The following PBRM1 variants were observed in gnomAD, a reference collection of about 807,000 sequenced individuals.
PBRM1 encodes the protein polybromo 1, also known as protein polybromo-1.
PBRM1 carries 27 observed loss-of-function variants against 194.5 expected under a neutral mutation model. The ratio of observed to expected loss-of-function variants is 0.14; its 90% CI spans 0.10 to 0.19. The LOEUF (loss-of-function observed/expected upper bound fraction) is 0.19, where lower values mean the gene tolerates loss of function less well. Ranked by LOEUF, PBRM1 falls within the 10% of genes least tolerant of loss-of-function variation. The pLI is 1.00. For missense variants in PBRM1, 1,466 were observed against 2,077.2 expected (o/e 0.71, Z 5.72); for synonymous variants, 655 against 693.2 (o/e 0.94, Z 0.87).
intron 27 of PBRM1, among the ~76,000 whole-genome samples, chr3:52,553,449 C>CA (rs2081436926): frequency 6.6e-6 from 1 of 150,890 alleles, no homozygotes; most frequent in African/African-American, 2.4e-5. Context: ...CCAGTATCTA[C>CA]AGCTAGGAGG....
chr3:52,579,273 A>C (rs2090476728), intron 20 of PBRM1, 74 bp from the exon 23 acceptor site: 1 of 1,376,312 alleles, frequency 7.3e-7, no homozygotes, highest in Non-Finnish European at 1.0e-6. Flanking sequence ...ACGAAAGCAG[A>C]CTTTTCTTTC....
upstream of PBRM1, chr3:52,681,723 C>T (rs933959725): frequency 2.0e-6 from 2 of 1,015,940 alleles, no homozygotes; most frequent in Non-Finnish European, 2.4e-6. Context: ...ACCAGCGCCT[C>T]GAAAAGCCAG....
At chr3:52,642,788 ATTTT>A (rs879552929) in intron 9 of PBRM1, among the ~76,000 whole-genome samples, 1 of 139,912 alleles carries the variant, frequency 7.1e-6, no homozygotes, top group Non-Finnish European at 1.6e-5. Context: ...TAGTAATTCA[ATTTT>A]TTTTTTTTTT....
intron 10 of PBRM1, among the ~76,000 whole-genome samples, chr3:52,638,412 G>T (rs1409099177): frequency 6.6e-6 from 1 of 150,394 alleles, no homozygotes; most frequent in Non-Finnish European, 1.5e-5. Flanking sequence ...AGGCTGGGGT[G>T]CGATGGCGTG....
At chr3:52,621,583 G>A (rs2095276626) in intron 13 of PBRM1, among the ~76,000 whole-genome samples, 2 of 152,034 alleles carry the variant, frequency 1.3e-5, no homozygotes, top group Non-Finnish European at 2.9e-5. Context: ...CCCATTTTTG[G>A]AAAAGTAATT....
At chr3:52,550,591 G>T in exon 29 of PBRM1, 1 of 1,538,150 alleles carries the variant, frequency 6.5e-7, no homozygotes, top group Non-Finnish European at 8.8e-7. Context: ...ATGTGGGCCG[G>T]GATATGGAGG....
At chr3:52,685,513 G>C (rs1404787462) in intron 1 of PBRM1, 1 of 151,972 alleles carries the variant, frequency 6.6e-6, no homozygotes, top group African/African-American at 2.4e-5. Flanking sequence ...AGAGGAGCGC[G>C]GGGAGTTTCC....
chr3:52,609,171 G>T lies in PBRM1; in HGVS notation c.2567+142C>A, dbSNP rs2094493068. The T allele has an allele frequency of 3.0e-6, 2 of 673,968 alleles. No homozygotes were observed. Among genetic ancestry groups the T allele is most frequent in the Non-Finnish European group, 2.5e-6 (1 of 402,224 alleles). The allele number at this position is 673,968 out of a possible 1,614,324, so 41.7% of individuals were successfully genotyped here. On this transcript the variant is annotated intron_variant, in intron 16 of 29. Coordinates refer to ENST00000296302, the Ensembl canonical transcript of PBRM1. This position sits in a 1 kb window ranked among gnomAD's most constrained non-coding sequence, Gnocchi z 4.1. ...AATATACTCACTCTTAAGAAGTTCT[G>T]GCTGATTAGAATTCAGAATAGCATG...
chr3:52,600,940 A>T (rs1273489897), intron 17 of PBRM1, among the ~76,000 whole-genome samples: 2 of 152,158 alleles, frequency 1.3e-5, no homozygotes, highest in Non-Finnish European at 2.9e-5. Flanking sequence ...CCCAGCCGCT[A>T]AATTACTTAT....
intron 7 of PBRM1, 57 bp from the exon 9 acceptor site, chr3:52,644,846 GC>G: frequency 1.2e-6 from 1 of 806,184 alleles, no homozygotes. Context: ...ACAGCTTAAT[GC>G]CCCCAACTCA....
intron 2 of PBRM1, among the ~76,000 whole-genome samples, chr3:52,674,983 A>AGGAG (rs1032992430): frequency 1.3e-5 from 2 of 151,980 alleles, no homozygotes; most frequent in Non-Finnish European, 2.9e-5. Flanking sequence ...GACAGAAAGG[A>AGGAG]GGAGGGAGGG....
chr3:52,549,621 T>TA (rs1327889296), intron 29 of PBRM1, among the ~76,000 whole-genome samples: 2 of 152,116 alleles, frequency 1.3e-5, no homozygotes, highest in Non-Finnish European at 2.9e-5. Flanking sequence ...ACAACACTTT[T>TA]AGGCAGGGCG....
chr3:52,547,984 C>A, downstream of PBRM1: 2 of 1,208,358 alleles, frequency 1.7e-6, no homozygotes, highest in South Asian at 1.3e-5. Context: ...TTTGTTCCTT[C>A]CCCCCACCCC....
intron 7 of PBRM1, among the ~76,000 whole-genome samples, chr3:52,645,460 G>C (rs895960661): frequency 6.6e-6 from 1 of 151,158 alleles, no homozygotes; most frequent in African/African-American, 2.4e-5. Context: ...AGAGTGCCCA[G>C]CTGGGAGATT....
intron 23 of PBRM1, 127 bp from the exon 26 acceptor site, chr3:52,563,620 C>T: frequency 1.5e-6 from 1 of 645,680 alleles, no homozygotes; most frequent in Non-Finnish European, 2.7e-6. Flanking sequence ...CTAAAGGCAG[C>T]ATGGAAAGAG....
At chr3:52,624,900 GATAGC>G in intron 13 of PBRM1, 1 of 1,542,278 alleles carries the variant, frequency 6.5e-7, no homozygotes, top group Non-Finnish European at 8.8e-7. Context: ...TGCACACCTG[GATAGC>G]CTCCTGAGAC....
intron 17 of PBRM1, among the ~76,000 whole-genome samples, chr3:52,596,509 G>A (rs935051921): frequency 7.0e-6 from 1 of 143,370 alleles, no homozygotes; most frequent in Non-Finnish European, 1.5e-5. Context: ...CTACTACCTG[G>A]CTACTGTTGC....
intron 10 of PBRM1, among the ~76,000 whole-genome samples, chr3:52,640,292 T>G (rs903558080): frequency 6.6e-6 from 1 of 152,120 alleles, no homozygotes; most frequent in East Asian, 1.9e-4. Context: ...TTTTATTTAT[T>G]TTTTGAGACA....
rs1226129064 is a variant in PBRM1, at chr3:52,661,631, A to AC, written c.528+501_528+502insG. ...CACCATTTTAGATGGTGTTAGAACA[A>AC]TAAAAAAGAGCCAGTCACGGGAAAA... On this transcript the variant is annotated intron_variant, in intron 4 of 29. Coordinates refer to ENST00000296302, the Ensembl canonical transcript of PBRM1. Among the ~76,000 whole-genome samples the AC allele has an allele frequency of 8.5e-5, 13 of 152,320 alleles. No homozygotes were observed. In the East Asian group the frequency reaches 2.5e-3, roughly 29 times the overall value.
Sources: gnomAD v4.1 joint callset for allele counts (sites outside exome capture counted in the v4.1 genomes callset) on GRCh38, gnomAD v4.1.1 for gene constraint, Gnocchi (gnomAD v3.1) non-coding constraint, MANE v1.5 for transcripts, NCBI Gene and HGNC (gene_info 2026-07-23, HGNC 2026-07-21) for gene names.